The following NRXN1 variants were observed in gnomAD, a reference collection of about 807,000 sequenced individuals.
NRXN1 encodes the protein neurexin 1.
In NRXN1, 39 loss-of-function variants were observed where a neutral mutation model predicts 150.9. The observed-to-expected ratio is 0.26, with a 90% CI of 0.20 to 0.34. The LOEUF (loss-of-function observed/expected upper bound fraction) is 0.34. Among genes scored for constraint, NRXN1 ranks in the 10% least tolerant of loss-of-function variants. NRXN1 has a pLI of 1.00. For missense variants in NRXN1, 1,815 were observed against 1,949.9 expected (o/e 0.93, Z 1.30); for synonymous variants, 924 against 757.0 (o/e 1.22, Z -3.62).
chr2:50,955,612 A>G (rs1378937813), intron 2 of NRXN1, among the ~76,000 whole-genome samples: 1 of 152,240 alleles, frequency 6.6e-6, no homozygotes, highest in Non-Finnish European at 1.5e-5. Context: ...ATTTTTATAT[A>G]TGAGTAGAAA....
At chr2:50,084,174 C>T (rs1220520082) in intron 19 of NRXN1, among the ~76,000 whole-genome samples, 1 of 152,236 alleles carries the variant, frequency 6.6e-6, no homozygotes, top group Non-Finnish European at 1.5e-5. Flanking sequence ...CAGCTGGCTT[C>T]ACCCAGCGTA....
intron 2 of NRXN1, among the ~76,000 whole-genome samples, chr2:50,955,579 A>G (rs987645828): frequency 6.6e-6 from 1 of 152,232 alleles, no homozygotes; most frequent in Non-Finnish European, 1.5e-5. Context: ...AATAAGTATA[A>G]CTGTCAACAG....
chr2:50,829,299 T>C, intron 5 of NRXN1: 1 of 611,124 alleles, frequency 1.6e-6, no homozygotes, highest in Non-Finnish European at 2.9e-6. Context: ...GAGGGGTAAT[T>C]TTGTATTTTT....
At chr2:50,458,864 G>A (rs1463059905) in intron 17 of NRXN1, among the ~76,000 whole-genome samples, 1 of 152,064 alleles carries the variant, frequency 6.6e-6, no homozygotes, top group Non-Finnish European at 1.5e-5. Context: ...ACAGGCATGA[G>A]TCACTGTGCC....
chr2:50,381,668 G>C (rs2080982328), intron 17 of NRXN1, among the ~76,000 whole-genome samples: 1 of 151,660 alleles, frequency 6.6e-6, no homozygotes, highest in African/African-American at 2.4e-5. Flanking sequence ...GATACTATTA[G>C]GTTGGTGGAA....
intron 19 of NRXN1, among the ~76,000 whole-genome samples, chr2:50,088,722 TAAAC>T (rs1699149984): frequency 6.6e-6 from 1 of 152,180 alleles, no homozygotes; most frequent in African/African-American, 2.4e-5. Context: ...CTATATGTGT[TAAAC>T]AAATATTAAT....
chr2:50,009,306 C>T (rs934802390), intron 21 of NRXN1, among the ~76,000 whole-genome samples: 2 of 152,084 alleles, frequency 1.3e-5, no homozygotes, highest in African/African-American at 2.4e-5. Flanking sequence ...AAGCATAGAA[C>T]GTTCTCACTA....
rs934807189 is a variant in NRXN1, at chr2:51,008,965, G to C, written c.772+18537C>G. 2.0e-5 allele frequency among the ~76,000 whole-genome samples: 3 copies of C among 151,776 alleles called. No homozygotes were observed. In the South Asian group the frequency reaches 6.2e-4, roughly 31 times the overall value. On this transcript the variant is annotated intron_variant, in intron 2 of 22. Transcript: ENST00000401669. Reference sequence around the variant, plus strand: ...ATGAAACAAAAATCTGAGCTGTAGAGTCAATGAAAACAAAGTATAACTAAT... The same window carrying C: ...ATGAAACAAAAATCTGAGCTGTAGACTCAATGAAAACAAAGTATAACTAAT...
At chr2:50,772,482 T>C (rs1219869940) in intron 5 of NRXN1, among the ~76,000 whole-genome samples, 1 of 151,480 alleles carries the variant, frequency 6.6e-6, no homozygotes, top group Non-Finnish European at 1.5e-5. Flanking sequence ...AGTACAGTAA[T>C]GACATCAAAA....
At position 50,970,384 on chromosome 2, in the gene NRXN1, C is replaced by T. The variant is rs1249609440; in HGVS notation, c.773-44429G>A. Among the ~76,000 whole-genome samples the T allele has an allele frequency of 4.1e-4, 63 of 152,054 alleles. 1 individual carries two copies. The highest frequency in any genetic ancestry group is 4.1e-3 in the Admixed American group (63 of 15,248). The stretch of plus-strand genomic sequence containing the variant: ...TCTGAACCCCAACAGTACCCAAAAG[C>T]CCACAACCGTATATTTTGTATTATC... On this transcript the variant is annotated intron_variant, in intron 2 of 22. Coordinates refer to ENST00000401669, the MANE Select transcript of NRXN1 (RefSeq NM_001330078.2).
At chr2:50,783,878 AC>A (rs1444839281) in intron 5 of NRXN1, among the ~76,000 whole-genome samples, 3 of 152,096 alleles carry the variant, frequency 2.0e-5, no homozygotes, top group Non-Finnish European at 4.4e-5. Flanking sequence ...CTGATAGTAA[AC>A]CGTGTCTTCT....
chr2:49,949,626 G>A (rs1054802212), intron 21 of NRXN1, among the ~76,000 whole-genome samples: 17 of 151,708 alleles, frequency 1.1e-4, no homozygotes, highest in African/African-American at 4.1e-4. Flanking sequence ...AAATAAACCC[G>A]ATTTATTCTA....
At chr2:50,053,915 G>T (rs1364435543) in intron 20 of NRXN1, among the ~76,000 whole-genome samples, 1 of 152,004 alleles carries the variant, frequency 6.6e-6, no homozygotes, top group African/African-American at 2.4e-5. Flanking sequence ...AGTCTAAATT[G>T]TTAAATTTTA....
intron 5 of NRXN1, among the ~76,000 whole-genome samples, chr2:50,771,048 C>A (rs997736688): frequency 2.0e-5 from 3 of 152,036 alleles, no homozygotes; most frequent in Non-Finnish European, 4.4e-5. Context: ...CTGAACTGAA[C>A]CAGGCCATAG....
At chr2:50,964,958 A>G (rs1381173628) in intron 2 of NRXN1, among the ~76,000 whole-genome samples, 3 of 151,438 alleles carry the variant, frequency 2.0e-5, no homozygotes, top group East Asian at 1.9e-4. Context: ...TAAAGATAAA[A>G]CTGAAATAAT....
chr2:50,085,218 A>C (rs2152689574), intron 19 of NRXN1, among the ~76,000 whole-genome samples: 1 of 152,292 alleles, frequency 6.6e-6, no homozygotes, highest in Admixed American at 6.5e-5. Flanking sequence ...CACCAGAAAA[A>C]AAATGCTTTG....
chr2:50,423,570 G>T (rs1380461098), intron 17 of NRXN1, among the ~76,000 whole-genome samples: 4 of 152,098 alleles, frequency 2.6e-5, no homozygotes, highest in Admixed American at 1.3e-4. Flanking sequence ...AAGGAAGCGA[G>T]ATATTAATTT....
At chr2:50,270,039 C>T (rs537213021) in intron 17 of NRXN1, among the ~76,000 whole-genome samples, 1 of 152,184 alleles carries the variant, frequency 6.6e-6, no homozygotes, top group South Asian at 2.1e-4. Context: ...ATAACTATCC[C>T]CTCCGTTTCT....
intron 12 of NRXN1, among the ~76,000 whole-genome samples, chr2:50,511,723 A>G (rs981701129): frequency 2.0e-5 from 3 of 152,136 alleles, no homozygotes; most frequent in African/African-American, 7.2e-5. Context: ...CATGGTACCG[A>G]CAGAGGAAAA....
Sources: allele counts gnomAD v4.1 joint callset (sites outside exome capture counted in the v4.1 genomes callset), GRCh38; gene constraint gnomAD v4.1.1; transcripts MANE v1.5; gene names NCBI Gene and HGNC (gene_info 2026-07-23, HGNC 2026-07-21).